Variants in DEGS2 observed in about 807,000 individuals in gnomAD.
The protein encoded by DEGS2 is sphingolipid delta(4)-desaturase/C4-monooxygenase DES2.
A neutral mutation model predicts 23.8 loss-of-function variants in DEGS2; 19 were observed. That is an observed-to-expected ratio of 0.80 (90% CI 0.56 to 1.17). DEGS2 has a LOEUF of 1.17. DEGS2 is among the 50% of genes most tolerant of loss of function. The pLI, the probability that DEGS2 is intolerant of heterozygous loss-of-function variation, is 0.00. For missense variants in DEGS2, 390 were observed against 459.5 expected (o/e 0.85, Z 1.38); for synonymous variants, 218 against 213.7 (o/e 1.02, Z -0.18).
upstream of DEGS2, among the ~76,000 whole-genome samples, chr14:100,164,095 G>A (rs1566745110): frequency 1.3e-5 from 2 of 151,940 alleles, no homozygotes; most frequent in Non-Finnish European, 2.9e-5. Flanking sequence ...TCGCGCCTGT[G>A]GTCCCAGGCG....
intron 1 of DEGS2, among the ~76,000 whole-genome samples, chr14:100,156,385 C>T (rs561335183): frequency 3.3e-5 from 5 of 152,376 alleles, no homozygotes; most frequent in South Asian, 2.1e-4. Flanking sequence ...CTTAGGGAAA[C>T]GACAGCCCTT....
Position 100,146,170 on chromosome 14 carries a change from T to C in DEGS2, c.*591A>G. 1 of 152,490 alleles carries C rather than the reference T, an allele frequency of 6.6e-6. No homozygotes were observed. Among genetic ancestry groups the C allele is most frequent in the Non-Finnish European group, 1.5e-5 (1 of 68,166 alleles). The allele number at this position is 152,490 out of a possible 1,614,324, so 9.4% of individuals were successfully genotyped here. ...TAGGAGGGATTTGGAGCCACACAGA[T>C]GACCAAAGTGAGCTTTCTGCTGTCC... On this transcript the variant is annotated 3_prime_UTR_variant, in exon 3 of 3. Transcript: ENST00000305631.
chr14:100,146,010 G>A lies in DEGS2; in HGVS notation c.*751C>T, dbSNP rs1889438416. 6.6e-6 allele frequency: 1 copy of A among 152,552 alleles called. No homozygotes were observed. Among genetic ancestry groups the A allele is most frequent in the South Asian group, 2.1e-4 (1 of 4,834 alleles). The allele number at this position is 152,552 out of a possible 1,614,324, so 9.4% of individuals were successfully genotyped here. On this transcript the variant is annotated 3_prime_UTR_variant, in exon 3 of 3. Coordinates refer to ENST00000305631, the MANE Select transcript of DEGS2 (RefSeq NM_206918.3). The stretch of plus-strand genomic sequence containing the variant: ...GGCTCAGGGACGCTCCCTGCCGCGG[G>A]AGGGCATACAGAGAGCAGGAGGTGA...
upstream of DEGS2, among the ~76,000 whole-genome samples, chr14:100,160,815 C>T (rs772523791): frequency 3.9e-5 from 6 of 152,190 alleles, no homozygotes; most frequent in Non-Finnish European, 7.3e-5. Flanking sequence ...GTCCTGCAGC[C>T]GCCAGCCACC....
At chr14:100,147,969 T>C (rs1180695719) in intron 2 of DEGS2, among the ~76,000 whole-genome samples, 1 of 152,138 alleles carries the variant, frequency 6.6e-6, no homozygotes, top group African/African-American at 2.4e-5. Context: ...GGCAGCTGCC[T>C]CCTGGGCTGT....
At chr14:100,153,280 TAGATAGA>T (rs1399511883) in intron 1 of DEGS2, among the ~76,000 whole-genome samples, 1 of 150,722 alleles carries the variant, frequency 6.6e-6, no homozygotes, top group South Asian at 2.1e-4. Context: ...GATAGATAGA[TAGATAGA>T]TAGATAGATA....
At chr14:100,166,336 AGCCTGCCCGGGGCTGTGG>A in the DEGS2 span, among the ~76,000 whole-genome samples, 1 of 32,640 alleles carries the variant, frequency 3.1e-5, no homozygotes, top group African/African-American at 7.8e-5. Flanking sequence ...GCTGTGGGGG[AGCCTGCCCGGGGCTGTGG>A]GGGGAGCCTG....
chr14:100,166,754 CAG>C, the DEGS2 span, among the ~76,000 whole-genome samples: 1 of 152,158 alleles, frequency 6.6e-6, no homozygotes, highest in Non-Finnish European at 1.5e-5. Context: ...ACCGGAAAGA[CAG>C]AATGGGGAAC....
chr14:100,159,528 C>A lies in DEGS2; in HGVS notation c.60G>T (p.Thr20=). 2 of 1,507,052 alleles carry A rather than the reference C, an allele frequency of 1.3e-6. No homozygotes were observed. Among genetic ancestry groups the A allele is most frequent in the Middle Eastern group, 1.7e-4 (1 of 5,898 alleles). The allele number at this position is 1,507,052 out of a possible 1,614,324, so 93.4% of individuals were successfully genotyped here. The change falls in exon 1 of 3, where the codon ACG becomes ACT. Residue 20 remains threonine (T), a synonymous_variant. Transcript: ENST00000305631. Reference sequence around the variant, plus strand: ...CACCCAGTATCTCCTTGCGCCGCTGCGTGTGCGGCTGGTCGGTGTAGACCC... The same window carrying A: ...CACCCAGTATCTCCTTGCGCCGCTGAGTGTGCGGCTGGTCGGTGTAGACCC... ...FEWVYTDQPH[T]QRRKEILAKY...
At chr14:100,162,372 A>T (rs1171859184), upstream of DEGS2, among the ~76,000 whole-genome samples, 6 of 150,748 alleles carry the variant, frequency 4.0e-5, no homozygotes, top group African/African-American at 9.7e-5. Context: ...AAAAATAAAT[A>T]AAATAAATAA....
chr14:100,165,879 G>C, the DEGS2 span, among the ~76,000 whole-genome samples: 1 of 144,844 alleles, frequency 6.9e-6, no homozygotes, highest in Non-Finnish European at 1.5e-5. Context: ...CAAAGAGTAG[G>C]GGGAGGCTGC....
chr14:100,158,541 A>T (rs923936651), intron 1 of DEGS2, among the ~76,000 whole-genome samples: 34 of 152,354 alleles, frequency 2.2e-4, no homozygotes, highest in Non-Finnish European at 2.4e-4. Context: ...CTAAATAAAT[A>T]AATTAATTAA....
chr14:100,165,421 C>G, the DEGS2 span, among the ~76,000 whole-genome samples: 1 of 152,248 alleles, frequency 6.6e-6, no homozygotes, highest in Admixed American at 6.5e-5. Context: ...TGGCGCAGCC[C>G]CTGCTCTTGA....
chr14:100,156,984 CT>C (rs1210039955), intron 1 of DEGS2, among the ~76,000 whole-genome samples: 1 of 152,220 alleles, frequency 6.6e-6, no homozygotes, highest in Non-Finnish European at 1.5e-5. Context: ...TCCCCAAGCC[CT>C]GGCCCCAGGT....
At chr14:100,164,398 G>A (rs1252766459), upstream of DEGS2, among the ~76,000 whole-genome samples, 1 of 152,050 alleles carries the variant, frequency 6.6e-6, no homozygotes, top group Non-Finnish European at 1.5e-5. Flanking sequence ...CACATTGGGA[G>A]GCCGAGGCGG....
upstream of DEGS2, among the ~76,000 whole-genome samples, chr14:100,160,640 G>T (rs920883413): frequency 3.3e-5 from 5 of 152,340 alleles, no homozygotes; most frequent in South Asian, 1.0e-3. Context: ...TTGCCTGGGA[G>T]CTGACTGACA....
upstream of DEGS2, among the ~76,000 whole-genome samples, chr14:100,162,584 T>C (rs1337390540): frequency 6.6e-6 from 1 of 152,186 alleles, no homozygotes; most frequent in East Asian, 1.9e-4. Flanking sequence ...ATAGTTTCTT[T>C]TAAATATAAA....
rs1202646721 is a variant in DEGS2 at position 100,149,272 on chromosome 14, G to A, written c.521C>T (p.Pro174Leu). Residue 174 changes from proline (P) to leucine (L), a missense_variant, in exon 2 of 3, where the codon CCG becomes CTG. Pro to Leu is a moderately conservative substitution (Grantham distance 98). Transcript: ENST00000305631. Reference sequence around the variant, plus strand: ...CACGGCCTTGGGGTGGACGCAGAGCGGCCGTAGTGAGTAGAAGAAGGGCTG... The same window carrying A: ...CACGGCCTTGGGGTGGACGCAGAGCAGCCGTAGTGAGTAGAAGAAGGGCTG... Reference protein sequence around the residue: ...VLQPFFYSLRPLCVHPKAVTR... With the variant: ...VLQPFFYSLRLLCVHPKAVTR... 1.1e-5 allele frequency: 17 copies of A among 1,612,746 alleles called. No homozygotes were observed. The highest frequency in any genetic ancestry group is 1.2e-5 in the Non-Finnish European group (14 of 1,179,916).
chr14:100,144,152 G>A lies in DEGS2; in HGVS notation c.*2609C>T, dbSNP rs1443247712. On this transcript the variant is annotated 3_prime_UTR_variant, in exon 3 of 3. Transcript: ENST00000305631. Reference sequence around the variant, plus strand: ...CGCAGAGCTGTCCAGGCACAGCTCCGTCCCCAGCGCTCATGGTGTTGAAAC... The same window carrying A: ...CGCAGAGCTGTCCAGGCACAGCTCCATCCCCAGCGCTCATGGTGTTGAAAC... The A allele has an allele frequency of 5.5e-5, 12 of 219,002 alleles. No homozygotes were observed. Among genetic ancestry groups the A allele is most frequent in the Admixed American group, 2.1e-4 (4 of 18,966 alleles). 13.6% of individuals were successfully genotyped at this position (219,002 alleles called of 1,614,324 possible).
Sources: allele counts gnomAD v4.1 joint callset (sites outside exome capture counted in the v4.1 genomes callset), GRCh38; gene constraint gnomAD v4.1.1; transcripts MANE v1.5; gene names NCBI Gene and HGNC (gene_info 2026-07-23, HGNC 2026-07-21).